Variants in UNC80 observed in about 807,000 individuals in gnomAD.
UNC80 encodes unc-80 subunit of NALCN channel complex.
In UNC80, 164 loss-of-function variants were observed where a neutral mutation model predicts 384.6. The ratio of observed to expected loss-of-function variants is 0.43; its 90% CI spans 0.38 to 0.49. The LOEUF (loss-of-function observed/expected upper bound fraction) is 0.49, where lower values mean the gene tolerates loss of function less well. UNC80 is among the 20% of genes least tolerant of loss of function. The pLI is 0.00. For missense variants in UNC80, 3,330 were observed against 4,143.0 expected (o/e 0.80, Z 5.39); for synonymous variants, 1,486 against 1,527.8 (o/e 0.97, Z 0.64).
At position 209,907,199 on chromosome 2, in the gene UNC80, T is replaced by G. The variant is rs181583848; in HGVS notation, c.4782+2234T>G. Among the ~76,000 whole-genome samples the G allele has an allele frequency of 6.7e-3, 984 of 147,424 alleles. 10 individuals are homozygous for G. The highest frequency in any genetic ancestry group is 0.022 in the African/African-American group (880 of 39,696). ...CTTCTTTCAATTATCCATCCATCCATCCAGCCAGCCAGCCGTTCATCTATT... is the reference window on the plus strand; with the variant it reads ...CTTCTTTCAATTATCCATCCATCCAGCCAGCCAGCCAGCCGTTCATCTATT... On this transcript the variant is annotated intron_variant, in intron 29 of 64. Coordinates refer to ENST00000673920, the MANE Select transcript of UNC80 (RefSeq NM_001371986.1).
chr2:209,933,947 G>A lies in UNC80; in HGVS notation c.6120G>A (p.Lys2040=). Residue 2040 remains lysine (K), a synonymous_variant, in exon 39 of 65, where the codon AAG becomes AAA. Coordinates refer to ENST00000673920, the MANE Select transcript of UNC80 (RefSeq NM_001371986.1). ...YVEGLFFKDL[K]QTMKKEQCEV... is the part of the protein sequence containing the mutation. The stretch of plus-strand genomic sequence containing the variant: ...AGGGCCTCTTCTTCAAGGATCTCAA[G>A]CAGACGATGAAGAAGGAGCAGTGTG... The A allele has an allele frequency of 2.6e-6, 4 of 1,550,878 alleles. No homozygotes were observed. The highest frequency in any genetic ancestry group is 3.5e-6 in the Non-Finnish European group (4 of 1,146,822).
chr2:209,837,954 G>A (rs1193636525), intron 18 of UNC80, among the ~76,000 whole-genome samples: 2 of 151,942 alleles, frequency 1.3e-5, no homozygotes, highest in Admixed American at 6.6e-5. Flanking sequence ...TGTATTTTTA[G>A]TAGAGACGGG....
intron 47 of UNC80, among the ~76,000 whole-genome samples, chr2:209,952,507 G>A (rs918387727): frequency 3.2e-4 from 49 of 152,132 alleles, no homozygotes; most frequent in Admixed American, 1.2e-3. Context: ...GCAATTATGA[G>A]GCTACTGAAA....
chr2:209,779,046 A>G (rs1330372492), intron 4 of UNC80, among the ~76,000 whole-genome samples: 1 of 152,238 alleles, frequency 6.6e-6, no homozygotes, highest in African/African-American at 2.4e-5. Flanking sequence ...CCCATCAAAC[A>G]TACTAAACTC....
At chr2:209,932,969 T>G (rs1172839530) in intron 38 of UNC80, among the ~76,000 whole-genome samples, 1 of 152,196 alleles carries the variant, frequency 6.6e-6, no homozygotes, top group Non-Finnish European at 1.5e-5. Context: ...TTTGCGACAC[T>G]GATTCTTTCA....
At chr2:209,879,669 A>G (rs763954572) in intron 24 of UNC80, among the ~76,000 whole-genome samples, 16 of 152,206 alleles carry the variant, frequency 1.1e-4, no homozygotes, top group Non-Finnish European at 1.5e-4. Context: ...AATAGCCCCT[A>G]TAAGACACAT....
chr2:209,927,315 A>T (rs2090513050), intron 36 of UNC80, among the ~76,000 whole-genome samples: 1 of 152,186 alleles, frequency 6.6e-6, no homozygotes, highest in East Asian at 1.9e-4. Context: ...GCTTGACACC[A>T]CTAATACCAT....
In UNC80 at chr2:209,941,409, A is replaced by G. The variant is rs1218289098; in HGVS notation, c.6835A>G (p.Thr2279Ala). ...DSALLRQYAA[T>A]VINTAVHFNH... ...TGCCCTGCTCAGGCAGTATGCTGCC[A>G]CCGTCATCAACACCGCGGTGCACTT... The change falls in exon 44 of 65, where the codon ACC (threonine) becomes GCC (alanine). Residue 2279 changes from threonine (T) to alanine (A), a missense_variant. Transcript: ENST00000673920. 1 of 1,550,738 alleles carries G rather than the reference A, an allele frequency of 6.4e-7. No homozygotes were observed. The highest frequency in any genetic ancestry group is 2.4e-5 in the East Asian group (1 of 40,886).
At chr2:209,927,092 C>A in intron 36 of UNC80, 106 bp downstream of exon 36, 1 of 1,174,838 alleles carries the variant, frequency 8.5e-7, no homozygotes, top group Non-Finnish European at 1.2e-6. Flanking sequence ...ACATGTTGAA[C>A]TGTTTTATGC....
chr2:209,844,287 T>C (rs952262502), intron 21 of UNC80, among the ~76,000 whole-genome samples: 1 of 152,174 alleles, frequency 6.6e-6, no homozygotes, highest in Non-Finnish European at 1.5e-5. Flanking sequence ...AAGTTCTCTT[T>C]ATGCACTAAA....
intron 21 of UNC80, among the ~76,000 whole-genome samples, chr2:209,845,647 A>G (rs2082115585): frequency 6.6e-6 from 1 of 152,220 alleles, no homozygotes; most frequent in Non-Finnish European, 1.5e-5. Flanking sequence ...AAACAAAGCC[A>G]TAATATTTGA....
chr2:209,915,061 G>A (rs2089366095), intron 31 of UNC80, among the ~76,000 whole-genome samples: 1 of 152,022 alleles, frequency 6.6e-6, no homozygotes, highest in African/African-American at 2.4e-5. Flanking sequence ...CCCCAAATGT[G>A]GGATAGTCAT....
In UNC80 at chr2:209,839,104, C is replaced by T. The variant is rs1237269253; in HGVS notation, c.3042-118C>T. On this transcript the variant is annotated intron_variant, in intron 18 of 64. Coordinates refer to ENST00000673920, the MANE Select transcript of UNC80 (RefSeq NM_001371986.1). This position sits in a 1 kb window ranked among gnomAD's most constrained non-coding sequence, Gnocchi z 4.1. ...ATGCCCACTCTTCCCACATTTCAGC[C>T]CATCAAAGATCATTTTGCATGATTT... The T allele has an allele frequency of 2.3e-6, 2 of 884,010 alleles. No individual in the cohort carries two copies. Among genetic ancestry groups the T allele is most frequent in the South Asian group, 1.7e-5 (1 of 59,504 alleles). 54.8% of individuals were successfully genotyped at this position (884,010 alleles called of 1,614,324 possible).
intron 4 of UNC80, among the ~76,000 whole-genome samples, chr2:209,778,692 T>C (rs1002042483): frequency 6.6e-6 from 1 of 152,154 alleles, no homozygotes; most frequent in African/African-American, 2.4e-5. Context: ...GCAGTTCCAA[T>C]GCATGAAAAG....
chr2:209,981,816 A>G (rs181618589), intron 59 of UNC80, among the ~76,000 whole-genome samples: 122 of 152,376 alleles, frequency 8.0e-4, no homozygotes, highest in Non-Finnish European at 1.5e-3. Flanking sequence ...TGATTCATTC[A>G]ATAACAAAGT....
In UNC80 at chr2:209,972,953, G is replaced by A. The variant is rs1575185551; in HGVS notation, c.8381-111G>A. On this transcript the variant is annotated intron_variant, in intron 55 of 64. Coordinates refer to ENST00000673920, the MANE Select transcript of UNC80 (RefSeq NM_001371986.1). ...TTGATGGGAAACACCTGAATTTCTAGGGTGTTGTAGTTTGGACTTGGAAAG... is the reference window on the plus strand; with the variant it reads ...TTGATGGGAAACACCTGAATTTCTAAGGTGTTGTAGTTTGGACTTGGAAAG... 16 of 890,376 alleles carry A rather than the reference G, an allele frequency of 1.8e-5. No individual in the cohort carries two copies. The East Asian group carries it at 4.0e-4, about 22-fold the overall frequency. 55.2% of individuals were successfully genotyped at this position (890,376 alleles called of 1,614,324 possible). A position where few individuals can be genotyped will look rare whatever the true frequency, so the allele number is the denominator to read the frequency against.
Position 209,923,298 on chromosome 2 carries a change from T to C in UNC80, c.5662+915T>C, listed in dbSNP as rs552384891. Among the ~76,000 whole-genome samples the C allele has an allele frequency of 2.6e-5, 4 of 152,154 alleles. No homozygotes were observed. In the South Asian group the frequency reaches 8.3e-4, roughly 32 times the overall value. On this transcript the variant is annotated intron_variant, in intron 35 of 64. Coordinates refer to ENST00000673920, the MANE Select transcript of UNC80 (RefSeq NM_001371986.1). ...AGGTCGCAATTTGTCTAATCCAAGG[T>C]CACAATTTGTCTAATCCAAGGTCAC... is the stretch of plus-strand genomic sequence containing the variant.
chr2:209,989,159 CAAA>C (rs11288927), intron 61 of UNC80, among the ~76,000 whole-genome samples: 5 of 140,770 alleles, frequency 3.6e-5, no homozygotes, highest in Non-Finnish European at 4.6e-5. Context: ...CAAAAAATAC[CAAA>C]AAAAAAAAAA....
intron 28 of UNC80, among the ~76,000 whole-genome samples, chr2:209,898,852 G>A (rs4672560): frequency 1 from 152,237 of 152,334 alleles, 76,070 homozygotes; most frequent in Middle Eastern, 1. Flanking sequence ...CATCCCACAA[G>A]TAAGTGAGAA....
Sources: allele counts gnomAD v4.1 joint callset (sites outside exome capture counted in the v4.1 genomes callset), GRCh38; gene constraint gnomAD v4.1.1; non-coding constraint Gnocchi (gnomAD v3.1); transcripts MANE v1.5; gene names NCBI Gene and HGNC (gene_info 2026-07-23, HGNC 2026-07-21).